FHIT: variants seen among roughly 807,000 people sequenced by gnomAD.
FHIT encodes the protein fragile histidine triad diadenosine triphosphatase.
In FHIT, 19 loss-of-function variants were observed where a neutral mutation model predicts 17.9. That is an observed-to-expected ratio of 1.06 (90% CI 0.74 to 1.56). The LOEUF (loss-of-function observed/expected upper bound fraction) is 1.56, where lower values mean the gene tolerates loss of function less well. Among genes scored for constraint, FHIT ranks in the 40% most tolerant of loss-of-function variants. The pLI is 0.00. For missense variants in FHIT, 248 were observed against 189.2 expected (o/e 1.31, Z -1.82); for synonymous variants, 81 against 69.7 (o/e 1.16, Z -0.81).
intron 5 of FHIT, among the ~76,000 whole-genome samples, chr3:60,375,791 T>C (rs1429107109): frequency 6.6e-6 from 1 of 152,038 alleles, no homozygotes; most frequent in Non-Finnish European, 1.5e-5. Context: ...TAATCAACTG[T>C]TCTGTAGAAA....
intron 5 of FHIT, among the ~76,000 whole-genome samples, chr3:60,514,803 C>T (rs1157128356): frequency 1.3e-5 from 2 of 152,008 alleles, no homozygotes; most frequent in Admixed American, 6.6e-5. Flanking sequence ...CATCAGGAGA[C>T]ACAGAAGTCA....
intron 8 of FHIT, among the ~76,000 whole-genome samples, chr3:59,898,507 A>G (rs1704178725): frequency 6.6e-6 from 1 of 152,012 alleles, no homozygotes; most frequent in Non-Finnish European, 1.5e-5. Flanking sequence ...AATGTTAAAA[A>G]CAGATTTCCA....
intron 2 of FHIT, among the ~76,000 whole-genome samples, chr3:61,115,099 A>T (rs2036262209): frequency 6.6e-6 from 1 of 152,176 alleles, no homozygotes; most frequent in Non-Finnish European, 1.5e-5. Context: ...TTTAGTCAGA[A>T]ATAACTGTTG....
chr3:60,021,630 C>G (rs1276088164), intron 5 of FHIT, among the ~76,000 whole-genome samples: 1 of 152,060 alleles, frequency 6.6e-6, no homozygotes, highest in Non-Finnish European at 1.5e-5. Flanking sequence ...AATCAATAAC[C>G]CTTTGAGTTA....
intron 4 of FHIT, among the ~76,000 whole-genome samples, chr3:60,616,342 T>C (rs1379042082): frequency 2.0e-5 from 3 of 152,208 alleles, no homozygotes; most frequent in East Asian, 1.9e-4. Flanking sequence ...AAGCAACACC[T>C]GGTGTCAACA....
chr3:60,025,645 T>A (rs1307319583), intron 5 of FHIT, among the ~76,000 whole-genome samples: 1 of 151,476 alleles, frequency 6.6e-6, no homozygotes, highest in African/African-American at 2.4e-5. Flanking sequence ...CAAAGGCAGC[T>A]GGACACATAA....
chr3:60,563,202 T>A (rs2037015810), intron 4 of FHIT, among the ~76,000 whole-genome samples: 2 of 152,036 alleles, frequency 1.3e-5, no homozygotes, highest in Admixed American at 1.3e-4. Context: ...GGACTTGAGT[T>A]GGTGAGGCAG....
At chr3:59,939,018 G>A (rs911914234) in intron 7 of FHIT, among the ~76,000 whole-genome samples, 2 of 152,116 alleles carry the variant, frequency 1.3e-5, no homozygotes, top group African/African-American at 4.8e-5. Flanking sequence ...GCCCTGTCTG[G>A]TGGCTTTGAG....
chr3:61,044,463 C>T (rs542188111), intron 2 of FHIT, among the ~76,000 whole-genome samples: 5 of 152,108 alleles, frequency 3.3e-5, no homozygotes, highest in African/African-American at 1.2e-4. Context: ...AACAAAGCCT[C>T]CAAGTAATAC....
chr3:60,721,179 C>A (rs9852628), intron 4 of FHIT, among the ~76,000 whole-genome samples: 1 of 151,872 alleles, frequency 6.6e-6, no homozygotes, highest in Non-Finnish European at 1.5e-5. Context: ...ATAGGTGAGC[C>A]GGGAAGCATT....
intron 5 of FHIT, among the ~76,000 whole-genome samples, chr3:60,479,914 G>T (rs2033529150): frequency 1.3e-5 from 2 of 152,196 alleles, no homozygotes; most frequent in African/African-American, 2.4e-5. Context: ...TGCCAAAAAG[G>T]TTGGGGGCTA....
At chr3:60,751,618 C>T (rs1190352164) in intron 4 of FHIT, among the ~76,000 whole-genome samples, 5 of 152,190 alleles carry the variant, frequency 3.3e-5, no homozygotes, top group Admixed American at 1.3e-4. Flanking sequence ...AAGCTTTATA[C>T]TACCCACTGT....
intron 5 of FHIT, among the ~76,000 whole-genome samples, chr3:60,034,925 A>G (rs1701151241): frequency 6.6e-6 from 1 of 152,188 alleles, no homozygotes; most frequent in African/African-American, 2.4e-5. Flanking sequence ...TCCTTCACCA[A>G]TCTCTGATTC....
chr3:61,102,186 C>T (rs141242349), intron 2 of FHIT, among the ~76,000 whole-genome samples: 11,722 of 152,022 alleles, frequency 0.077, 557 homozygotes, highest in Middle Eastern at 0.16. Flanking sequence ...ATATTGGCTG[C>T]GGGTTTGTCA....
At chr3:60,649,388 C>T (rs547635463) in intron 4 of FHIT, among the ~76,000 whole-genome samples, 5 of 152,134 alleles carry the variant, frequency 3.3e-5, no homozygotes, top group South Asian at 4.2e-4. Context: ...GGTGACAGAG[C>T]GAGAGTCCAT....
chr3:59,841,790 A>G (rs935947187), intron 8 of FHIT, among the ~76,000 whole-genome samples: 1 of 152,208 alleles, frequency 6.6e-6, no homozygotes, highest in African/African-American at 2.4e-5. Context: ...TTGATTATAA[A>G]GAAAACCAAT....
chr3:60,951,598 T>C (rs1708887642), intron 3 of FHIT, among the ~76,000 whole-genome samples: 1 of 152,222 alleles, frequency 6.6e-6, no homozygotes. Context: ...TTCATCACCC[T>C]ATCATATGCT....
chr3:60,645,030 T>C (rs75036773), intron 4 of FHIT, among the ~76,000 whole-genome samples: 4,092 of 152,140 alleles, frequency 0.027, 194 homozygotes, highest in African/African-American at 0.092. Flanking sequence ...TTGGGTTCTT[T>C]TCTCAAACAG....
chr3:60,379,020 G>T (rs1442142969), intron 5 of FHIT, among the ~76,000 whole-genome samples: 1 of 152,186 alleles, frequency 6.6e-6, no homozygotes, highest in Non-Finnish European at 1.5e-5. Context: ...AACTGGTTTT[G>T]TAGACTCTGA....
Sources: gnomAD v4.1 joint callset for allele counts (sites outside exome capture counted in the v4.1 genomes callset) on GRCh38, gnomAD v4.1.1 for gene constraint, MANE v1.5 for transcripts, NCBI Gene and HGNC (gene_info 2026-07-23, HGNC 2026-07-21) for gene names.